VCL: variants seen among roughly 807,000 people sequenced by gnomAD.
The protein encoded by VCL is vinculin.
In VCL, 47 loss-of-function variants were observed where a neutral mutation model predicts 125.7. The ratio of observed to expected loss-of-function variants is 0.37; its 90% CI spans 0.30 to 0.48. The LOEUF (loss-of-function observed/expected upper bound fraction) is 0.48. VCL is among the 20% of genes least tolerant of loss of function. The pLI, the probability that VCL is intolerant of heterozygous loss-of-function variation, is 0.99. For missense variants in VCL, 1,069 were observed against 1,455.5 expected, an observed-to-expected ratio of 0.73 and a Z score of 4.32; for synonymous variants, 458 against 514.6, an observed-to-expected ratio of 0.89 and a Z score of 1.49.
chr10:74,077,874 A>C, intron 6 of VCL: 1 of 278,846 alleles, frequency 3.6e-6, no homozygotes, highest in Non-Finnish European at 7.2e-6. Context: ...TACAAATTTA[A>C]AAGTAACTTT....
In VCL at chr10:74,071,183, A is replaced by T. The variant is rs945357991; in HGVS notation, c.499+100A>T. On this transcript the variant is annotated intron_variant, in intron 4 of 21. Transcript: ENST00000211998. This position sits in a 1 kb window ranked among gnomAD's most constrained non-coding sequence, Gnocchi z 4.1. ...CCTACTTTTTGCAGAAGATAGGTGAAGATGCATTGGGCTTTCAGGTGTCTG... is the reference window on the plus strand; with the variant it reads ...CCTACTTTTTGCAGAAGATAGGTGATGATGCATTGGGCTTTCAGGTGTCTG... 5 of 1,090,926 alleles carry T rather than the reference A, an allele frequency of 4.6e-6. No homozygotes were observed. The African/African-American group carries it at 7.8e-5, about 17-fold the overall frequency. The allele number at this position is 1,090,926 out of a possible 1,614,324, so 67.6% of individuals were successfully genotyped here.
At position 74,089,213 on chromosome 10, in the gene VCL, C is replaced by A. The variant is rs148619523; in HGVS notation, c.1040C>A (p.Pro347Gln). ...TTGAGCAGAGGACAAGGATCCTCAC[C>A]GGTGGCCATGCAGAAAGCTCAGCAG... is the stretch of plus-strand genomic sequence containing the variant. Reference protein sequence around the residue: ...DLRARGQGSSPVAMQKAQQVS... With the variant: ...DLRARGQGSSQVAMQKAQQVS... Residue 347 changes from proline to glutamine, a missense_variant, in exon 9 of 22, where the codon CCG (proline) becomes CAG (glutamine). Physicochemically the swap from Pro to Gln is moderately conservative, Grantham distance 76. Coordinates refer to ENST00000211998, the MANE Select transcript of VCL (RefSeq NM_014000.3). 1.9e-6 allele frequency: 3 copies of A among 1,613,998 alleles called. No individual in the cohort carries two copies. Among genetic ancestry groups the A allele is most frequent in the Non-Finnish European group, 2.5e-6 (3 of 1,179,996 alleles).
intron 2 of VCL, among the ~76,000 whole-genome samples, chr10:74,067,989 T>G (rs1352586264): frequency 1.3e-5 from 2 of 152,272 alleles, no homozygotes; most frequent in Non-Finnish European, 2.9e-5. Context: ...GTATGTTACA[T>G]GAATTTCACC....
chr10:74,021,178 A>C (rs10458657), intron 1 of VCL, among the ~76,000 whole-genome samples: 53,518 of 151,768 alleles, frequency 0.35, 11,417 homozygotes, highest in Non-Finnish European at 0.49. Flanking sequence ...AGCTCTTCCC[A>C]GGCTGCTCAG....
At chr10:74,021,798 T>A (rs1591655811) in intron 1 of VCL, among the ~76,000 whole-genome samples, 1 of 152,254 alleles carries the variant, frequency 6.6e-6, no homozygotes, top group Admixed American at 6.5e-5. Context: ...TTGAACCTTT[T>A]ACTTATTCTT....
At chr10:74,082,574 A>G in intron 7 of VCL, 30 bp downstream of exon 7, 2 of 1,607,688 alleles carry the variant, frequency 1.2e-6, no homozygotes, top group Non-Finnish European at 1.7e-6. Flanking sequence ...TTTCTGATCA[A>G]TACAACGAGA....
rs553428508 is a variant in VCL, at chr10:74,110,384, A to G, written c.2745+1228A>G. Among the ~76,000 whole-genome samples, 241 of 152,372 alleles carry G rather than the reference A, an allele frequency of 1.6e-3. 1 individual carries two copies. The highest frequency in any genetic ancestry group is 0.01 in the Middle Eastern group (3 of 294). ...TTGCCCCACTCTGCCATTTGTGGCC[A>G]GAAGTCCTGAGGTCTATCTCCTGAA... On this transcript the variant is annotated intron_variant, in intron 18 of 21. Transcript: ENST00000211998.
chr10:74,014,664 CATT>C (rs1174507047), intron 1 of VCL, among the ~76,000 whole-genome samples: 3 of 151,762 alleles, frequency 2.0e-5, no homozygotes, highest in African/African-American at 7.3e-5. Flanking sequence ...AAATATTATG[CATT>C]TGTGAAATAC....
Position 74,105,137 on chromosome 10 carries a change from GC to G in VCL, c.2219del (p.Ala740ValfsTer44). 3 of 1,614,220 alleles carry G rather than the reference GC, an allele frequency of 1.9e-6. No individual in the cohort carries two copies. The highest frequency in any genetic ancestry group is 1.3e-5 in the African/African-American group (1 of 75,064). Reference protein sequence around the residue: ...IKKDLDKCKVAMANIQPQMLV... With the variant: ...IKKDLDKCKVXMANIQPQMLV... ...AAAAGACCTGGACAAGTGCAAGGTAGCTATGGCCAACATTCAGCCTCAGATG... is the reference window on the plus strand; with the variant it reads ...AAAAGACCTGGACAAGTGCAAGGTAGTATGGCCAACATTCAGCCTCAGATG... On this transcript the variant is annotated frameshift_variant, in exon 16 of 22. Coordinates refer to ENST00000211998, the MANE Select transcript of VCL (RefSeq NM_014000.3). LOFTEE classifies it high-confidence loss of function.
chr10:74,049,042 G>T (rs1182440984), intron 2 of VCL, among the ~76,000 whole-genome samples: 1 of 152,166 alleles, frequency 6.6e-6, no homozygotes, highest in African/African-American at 2.4e-5. Flanking sequence ...AGGAGGCGGA[G>T]TTTGCAGTGA....
At chr10:74,089,386 T>A (rs1564528053) in intron 9 of VCL, 37 bp downstream of exon 9, 1 of 1,611,256 alleles carries the variant, frequency 6.2e-7, no homozygotes, top group African/African-American at 1.3e-5. Context: ...TGGGAAATAT[T>A]TCATAAATAT....
rs757012350 is a variant in VCL, at chr10:74,083,459, G to A, written c.968G>A (p.Gly323Glu). The change falls in exon 8 of 22, where the codon GGA becomes GAA. Residue 323 changes from glycine (G) to glutamate (E), a missense_variant. Physicochemically the swap from Gly to Glu is moderately conservative, Grantham distance 98. This residue lies in a region of VCL where 760 missense variants were observed against 928.9 expected (regional missense o/e 0.82). Coordinates refer to ENST00000211998, the MANE Select transcript of VCL (RefSeq NM_014000.3). ...GGCAAAGAACGCAGGGAGATTCTGG[G>A]AACTTGCAAAATGCTAGGGCAGATG... The part of the protein sequence containing the change: ...CAGKERREIL[G>E]TCKMLGQMTD... 1 of 1,614,054 alleles carries A rather than the reference G, an allele frequency of 6.2e-7. No homozygotes were observed.
chr10:74,024,222 A>G (rs1840728100), intron 1 of VCL, among the ~76,000 whole-genome samples: 1 of 152,170 alleles, frequency 6.6e-6, no homozygotes, highest in South Asian at 2.1e-4. Context: ...AATGTTTATT[A>G]TGGCCTGGAG....
At chr10:74,121,181 G>C (rs941748045), downstream of VCL, 2 of 152,182 alleles carry the variant, frequency 1.3e-5, no homozygotes, top group Non-Finnish European at 2.9e-5. Flanking sequence ...TTCTAAAACT[G>C]TCTTGTTTTT....
At chr10:74,001,411 C>T (rs1050211496) in intron 1 of VCL, among the ~76,000 whole-genome samples, 4 of 152,138 alleles carry the variant, frequency 2.6e-5, no homozygotes, top group Admixed American at 1.3e-4. Flanking sequence ...GCAATCCTCC[C>T]GCCTTGGCCT....
intron 1 of VCL, among the ~76,000 whole-genome samples, chr10:74,032,040 G>A (rs970487685): frequency 2.8e-5 from 4 of 140,484 alleles, no homozygotes; most frequent in Admixed American, 7.4e-5. Context: ...CTCCAACCTG[G>A]GCAACAAGAG....
chr10:74,026,910 C>G (rs935648182), intron 1 of VCL, among the ~76,000 whole-genome samples: 1 of 152,108 alleles, frequency 6.6e-6, no homozygotes, highest in South Asian at 2.1e-4. Context: ...TTCAAAAATT[C>G]GTTTACAAGT....
rs550445251 is a variant in VCL, at chr10:74,111,205, C to T, written c.2746-704C>T. Among the ~76,000 whole-genome samples the T allele has an allele frequency of 9.2e-5, 14 of 152,266 alleles. No individual in the cohort carries two copies. In the South Asian group the frequency reaches 1.7e-3, roughly 18 times the overall value. Reference sequence around the variant, plus strand: ...GGTGTTCCCTGAGATGGGCGGCTGACGAGGTGGCTTCTTGAGGCTCCTTAC... The same window carrying T: ...GGTGTTCCCTGAGATGGGCGGCTGATGAGGTGGCTTCTTGAGGCTCCTTAC... On this transcript the variant is annotated intron_variant, in intron 18 of 21. Coordinates refer to ENST00000211998, the MANE Select transcript of VCL (RefSeq NM_014000.3).
intron 1 of VCL, chr10:74,027,597 G>A (rs1317142940): frequency 7.4e-6 from 1 of 135,722 alleles, no homozygotes; most frequent in Non-Finnish European, 1.5e-5. Context: ...GGGGGCGGAT[G>A]TTGCAGCCAT....
Sources: allele counts gnomAD v4.1 joint callset (sites outside exome capture counted in the v4.1 genomes callset), GRCh38; gene constraint gnomAD v4.1.1; regional missense constraint gnomAD v4.1.1; non-coding constraint Gnocchi (gnomAD v3.1); transcripts MANE v1.5; gene names NCBI Gene and HGNC (gene_info 2026-07-23, HGNC 2026-07-21).